Variants in ARF4 observed in about 807,000 individuals in gnomAD.
ARF4 encodes the protein ADP-ribosylation factor 4.
Under a neutral mutation model 24.3 loss-of-function variants are expected in ARF4, and 5 were observed. That is an observed-to-expected ratio of 0.21 (90% CI 0.11 to 0.43). ARF4 has a LOEUF of 0.43. ARF4 is among the 20% of genes least tolerant of loss of function. The probability of loss-of-function intolerance (pLI) is 1.00; values close to 1 mark genes in which losing one functional copy is unlikely to be tolerated. For missense variants in ARF4, 107 were observed against 213.0 expected, an observed-to-expected ratio of 0.50 and a Z score of 3.10; for synonymous variants, 62 against 73.5, an observed-to-expected ratio of 0.84 and a Z score of 0.80.
chr3:57,577,362 T>C lies in ARF4; in HGVS notation c.284A>G (p.Asn95Ser). 1 of 1,613,368 alleles carries C rather than the reference T, an allele frequency of 6.2e-7. No homozygotes were observed. The highest frequency in any genetic ancestry group is 8.5e-7 in the Non-Finnish European group (1 of 1,179,772). Residue 95 changes from asparagine to serine, a missense_variant, in exon 4 of 6, where the codon AAC (asparagine) becomes AGC (serine). Coordinates refer to ENST00000303436, the MANE Select transcript of ARF4 (RefSeq NM_001660.4). ...TACTTCCTGAATTCTTTCACGATCG[T>C]TGCTATCTACCACAAAAATAAGACC... ...TQGLIFVVDS[N>S]DRERIQEVAD...
chr3:57,597,266 G>A lies in ARF4; in HGVS notation c.-126C>T. The A allele has an allele frequency of 1.1e-6, 1 of 914,078 alleles. No individual in the cohort carries two copies. The highest frequency in any genetic ancestry group is 1.7e-6 in the Non-Finnish European group (1 of 587,462). The allele number at this position is 914,078 out of a possible 1,614,324, so 56.6% of individuals were successfully genotyped here. A position where few individuals can be genotyped will look rare whatever the true frequency, so the allele number is the denominator to read the frequency against. ...GAAAGAGCGGAGGAAGAAAGAGGGA[G>A]GCAGAAACGTCTCAGTGGCCCCTGT... On this transcript the variant is annotated 5_prime_UTR_variant, in exon 1 of 6. Transcript: ENST00000303436.
chr3:57,597,318 A>T lies in ARF4; in HGVS notation c.-178T>A. ...CCGATGAAGATCCGGCACAGGAATA[A>T]GCCGGTAGAGGACCTGCTAGGCGAC... On this transcript the variant is annotated 5_prime_UTR_variant, in exon 1 of 6. Transcript: ENST00000303436. 1 of 583,884 alleles carries T rather than the reference A, an allele frequency of 1.7e-6. No individual in the cohort carries two copies. Among genetic ancestry groups the T allele is most frequent in the Admixed American group, 3.1e-5 (1 of 31,860 alleles). The allele number at this position is 583,884 out of a possible 1,614,324, so 36.2% of individuals were successfully genotyped here. A position where few individuals can be genotyped will look rare whatever the true frequency, so the allele number is the denominator to read the frequency against.
chr3:57,578,604 C>T (rs1159572017), intron 3 of ARF4, among the ~76,000 whole-genome samples: 3 of 151,990 alleles, frequency 2.0e-5, no homozygotes, highest in African/African-American at 4.8e-5. Flanking sequence ...CTCAGCCTCC[C>T]AAGTAGCTGG....
At chr3:57,596,923 A>G in intron 1 of ARF4, 151 bp downstream of exon 1, 3 of 755,472 alleles carry the variant, frequency 4.0e-6, no homozygotes, top group South Asian at 1.7e-5. Flanking sequence ...CCTCCGCTCC[A>G]TTGTTCCCCC....
chr3:57,575,750 A>G (rs760004053), intron 4 of ARF4, 77 bp from the exon 5 acceptor site: 529 of 1,423,396 alleles, frequency 3.7e-4, no homozygotes, highest in Non-Finnish European at 4.7e-4. Context: ...TATATACTTT[A>G]CTCAGCATTA....
At chr3:57,589,682 C>T (rs926225245) in intron 1 of ARF4, among the ~76,000 whole-genome samples, 3 of 150,538 alleles carry the variant, frequency 2.0e-5, no homozygotes, top group Admixed American at 1.3e-4. Flanking sequence ...CGCGCCACGG[C>T]ACTCCAGCCT....
At chr3:57,572,442 G>T in intron 5 of ARF4, 144 bp from the exon 6 acceptor site, 1 of 608,398 alleles carries the variant, frequency 1.6e-6, no homozygotes, top group Non-Finnish European at 2.8e-6. Context: ...ACTTCTGGCT[G>T]GGCGTGGTGG....
intron 1 of ARF4, among the ~76,000 whole-genome samples, chr3:57,587,319 CAAAAA>C (rs56787111): frequency 8.8e-5 from 4 of 45,404 alleles, no homozygotes; most frequent in East Asian, 6.6e-4. Context: ...AACTCAGTCT[CAAAAA>C]AAAAAAAAAA....
intron 1 of ARF4, among the ~76,000 whole-genome samples, chr3:57,585,647 A>G (rs1340427345): frequency 6.8e-6 from 1 of 147,518 alleles, no homozygotes; most frequent in African/African-American, 2.5e-5. Context: ...CATCTACAAT[A>G]TAAGTAATAT....
At chr3:57,572,363 T>C in intron 5 of ARF4, 65 bp from the exon 6 acceptor site, 1 of 1,230,194 alleles carries the variant, frequency 8.1e-7, no homozygotes, top group Non-Finnish European at 1.2e-6. Flanking sequence ...GTGTTTAAAC[T>C]TTCTTAATCA....
chr3:57,590,891 G>A (rs935593419), intron 1 of ARF4, among the ~76,000 whole-genome samples: 1 of 152,132 alleles, frequency 6.6e-6, no homozygotes, highest in African/African-American at 2.4e-5. Flanking sequence ...ATGGTATGGT[G>A]CCCAGGCTGC....
At chr3:57,589,897 C>G (rs1293537105) in intron 1 of ARF4, among the ~76,000 whole-genome samples, 1 of 150,400 alleles carries the variant, frequency 6.6e-6, no homozygotes, top group African/African-American at 2.4e-5. Flanking sequence ...TTGAAACCAG[C>G]CTGGCCAACA....
At chr3:57,586,223 T>G (rs1459670524) in intron 1 of ARF4, among the ~76,000 whole-genome samples, 1 of 152,214 alleles carries the variant, frequency 6.6e-6, no homozygotes, top group Non-Finnish European at 1.5e-5. Flanking sequence ...TCTGGCCGCC[T>G]GGGTTTATCT....
chr3:57,584,011 C>G lies in ARF4; in HGVS notation c.149-4G>C, dbSNP rs745521800. 1 of 1,577,312 alleles carries G rather than the reference C, an allele frequency of 6.3e-7. No individual in the cohort carries two copies. ...TCTACTGTTTCCACATTAAAACCTACAAAGAAAAACAAAAATGACCGCTGT... is the reference window on the plus strand; with the variant it reads ...TCTACTGTTTCCACATTAAAACCTAGAAAGAAAAACAAAAATGACCGCTGT... On this transcript the variant is annotated splice_region_variant and splice_polypyrimidine_tract_variant and intron_variant, in intron 2 of 5. Transcript: ENST00000303436.
chr3:57,590,311 CCT>C (rs1419390372), intron 1 of ARF4, among the ~76,000 whole-genome samples: 7 of 151,190 alleles, frequency 4.6e-5, no homozygotes, highest in Admixed American at 3.3e-4. Context: ...ATGGTGAAAC[CCT>C]GTCTCTACTA....
chr3:57,582,778 CAAG>C (rs1030983665), intron 3 of ARF4, among the ~76,000 whole-genome samples: 11 of 152,118 alleles, frequency 7.2e-5, no homozygotes, highest in African/African-American at 2.7e-4. Flanking sequence ...AAAAAACTGA[CAAG>C]AAATTCCTTG....
chr3:57,597,177 G>A lies in ARF4; in HGVS notation c.-37C>T, dbSNP rs905752760. 1.9e-6 allele frequency: 3 copies of A among 1,590,472 alleles called. No individual in the cohort carries two copies. Among genetic ancestry groups the A allele is most frequent in the East Asian group, 2.2e-5 (1 of 44,692 alleles). On this transcript the variant is annotated 5_prime_UTR_variant, in exon 1 of 6. Coordinates refer to ENST00000303436, the MANE Select transcript of ARF4 (RefSeq NM_001660.4). Reference sequence around the variant, plus strand: ...CACTTGTGATGGGCAGAAGCAGAAGGGGTTTGGGGCGACCCCGTGCTTTCT... The same window carrying A: ...CACTTGTGATGGGCAGAAGCAGAAGAGGTTTGGGGCGACCCCGTGCTTTCT...
intron 5 of ARF4, among the ~76,000 whole-genome samples, chr3:57,575,185 T>C (rs542982124): frequency 1.3e-3 from 195 of 152,026 alleles, no homozygotes; most frequent in Admixed American, 2.2e-3. Flanking sequence ...AAACAAACAT[T>C]ACTGGACCCT....
intron 1 of ARF4, among the ~76,000 whole-genome samples, chr3:57,596,414 G>A (rs1327253406): frequency 6.6e-6 from 1 of 152,144 alleles, no homozygotes; most frequent in Non-Finnish European, 1.5e-5. Flanking sequence ...AATAGTCAAA[G>A]AAATAGAAGA....
Sources: allele counts gnomAD v4.1 joint callset (sites outside exome capture counted in the v4.1 genomes callset), GRCh38; gene constraint gnomAD v4.1.1; transcripts MANE v1.5; gene names NCBI Gene and HGNC (gene_info 2026-07-23, HGNC 2026-07-21).